Variants in SORCS1 observed in about 807,000 individuals in gnomAD.
SORCS1 encodes the protein sortilin related VPS10 domain containing receptor 1, also known as VPS10 domain-containing receptor SorCS1.
A neutral mutation model predicts 146.1 loss-of-function variants in SORCS1; 60 were observed. That is an observed-to-expected ratio of 0.41 (90% confidence interval 0.33 to 0.51). The LOEUF is 0.51. Among genes scored for constraint, SORCS1 ranks in the 20% least tolerant of loss-of-function variants. The pLI is 0.21. For synonymous variants in SORCS1, 637 were observed against 584.0 expected, an observed-to-expected ratio of 1.09 and a Z score of -1.31; for missense variants, 1,352 against 1,487.6, an observed-to-expected ratio of 0.91 and a Z score of 1.50.
intron 17 of SORCS1, among the ~76,000 whole-genome samples, chr10:106,659,344 T>C (rs147896709): frequency 1.3e-5 from 2 of 152,324 alleles, no homozygotes; most frequent in East Asian, 3.9e-4. Flanking sequence ...ATTTTGAACA[T>C]GAGCTTGATG....
chr10:106,611,417 T>C (rs747589878), intron 22 of SORCS1, among the ~76,000 whole-genome samples: 6 of 152,140 alleles, frequency 3.9e-5, no homozygotes, highest in South Asian at 2.1e-4. Context: ...AATGAGGAAA[T>C]AGAAATATGA....
At chr10:106,717,560 T>C (rs1052456253) in intron 6 of SORCS1, among the ~76,000 whole-genome samples, 1 of 152,230 alleles carries the variant, frequency 6.6e-6, no homozygotes, top group Non-Finnish European at 1.5e-5. Flanking sequence ...GACTAAATAT[T>C]GTATTTTATT....
At chr10:107,165,568 CCTCAGTACGTGG>C (rs1970025343), upstream of SORCS1, among the ~76,000 whole-genome samples, 1 of 152,154 alleles carries the variant, frequency 6.6e-6, no homozygotes, top group African/African-American at 2.4e-5. This position sits in a 1 kb window ranked among gnomAD's most constrained non-coding sequence, Gnocchi z 4.0. Context: ...TTACCATTTT[CCTCAGTACGTGG>C]CACAGTACCC....
intron 4 of SORCS1, among the ~76,000 whole-genome samples, chr10:106,775,687 A>C (rs941731396): frequency 7.2e-5 from 11 of 152,246 alleles, no homozygotes; most frequent in African/African-American, 2.2e-4. Flanking sequence ...TTCACTGCAT[A>C]ATGCATTTCA....
intron 1 of SORCS1, among the ~76,000 whole-genome samples, chr10:107,093,992 C>T (rs879671083): frequency 6.6e-6 from 1 of 152,164 alleles, no homozygotes; most frequent in Non-Finnish European, 1.5e-5. Flanking sequence ...CCCATGCCAC[C>T]TCGAGATTTT....
chr10:106,812,296 A>G (rs1947502239), intron 3 of SORCS1, among the ~76,000 whole-genome samples: 1 of 152,134 alleles, frequency 6.6e-6, no homozygotes, highest in African/African-American at 2.4e-5. Flanking sequence ...CACTGCACCC[A>G]GCCTGGAGTT....
chr10:106,844,345 T>C (rs1204389513), intron 2 of SORCS1, among the ~76,000 whole-genome samples: 4 of 152,102 alleles, frequency 2.6e-5, no homozygotes, highest in African/African-American at 7.2e-5. Flanking sequence ...GCTTTTGGTG[T>C]CTGTGCTTTT....
intron 10 of SORCS1, among the ~76,000 whole-genome samples, chr10:106,686,167 G>C (rs758505426): frequency 1.8e-4 from 27 of 152,176 alleles, no homozygotes; most frequent in Non-Finnish European, 3.2e-4. Context: ...GTAAAAGTGG[G>C]AGGACCAGTT....
intron 24 of SORCS1, among the ~76,000 whole-genome samples, chr10:106,596,688 C>T (rs142044250): frequency 3.3e-4 from 50 of 152,144 alleles, no homozygotes; most frequent in African/African-American, 5.8e-4. Context: ...TATCCTGAAA[C>T]GTAAAGAAAG....
At chr10:107,179,440 G>T in the SORCS1 span, among the ~76,000 whole-genome samples, 1 of 151,984 alleles carries the variant, frequency 6.6e-6, no homozygotes, top group African/African-American at 2.4e-5. Flanking sequence ...TTATATAACT[G>T]CATCATTTCA....
chr10:106,617,818 C>T (rs1847476693), intron 21 of SORCS1, among the ~76,000 whole-genome samples: 2 of 152,142 alleles, frequency 1.3e-5, no homozygotes, highest in Admixed American at 1.3e-4. Flanking sequence ...TCAACATTAG[C>T]TATTTTATTT....
chr10:106,841,404 A>G (rs1589524460), intron 2 of SORCS1, among the ~76,000 whole-genome samples: 1 of 152,130 alleles, frequency 6.6e-6, no homozygotes, highest in Non-Finnish European at 1.5e-5. Flanking sequence ...CAGGAGGTGG[A>G]GGTTGAAATG....
At chr10:106,758,058 T>C (rs906617718) in intron 5 of SORCS1, among the ~76,000 whole-genome samples, 3 of 152,164 alleles carry the variant, frequency 2.0e-5, no homozygotes, top group Admixed American at 6.5e-5. Context: ...AGAAGGAGGT[T>C]TTATTTATTT....
At chr10:106,749,036 T>G (rs1857954520) in intron 5 of SORCS1, among the ~76,000 whole-genome samples, 1 of 152,186 alleles carries the variant, frequency 6.6e-6, no homozygotes, top group Non-Finnish European at 1.5e-5. Flanking sequence ...ATAATTTTGC[T>G]TTTGCTTTTA....
At chr10:106,662,688 G>T (rs1850826029) in intron 17 of SORCS1, among the ~76,000 whole-genome samples, 1 of 152,160 alleles carries the variant, frequency 6.6e-6, no homozygotes, top group South Asian at 2.1e-4. Flanking sequence ...ATCTGGGCTT[G>T]TCCTTGAGAA....
chr10:107,125,069 C>A (rs911276053), intron 1 of SORCS1, among the ~76,000 whole-genome samples: 2 of 151,080 alleles, frequency 1.3e-5, no homozygotes, highest in Non-Finnish European at 2.9e-5. Flanking sequence ...TCCCCTGCCT[C>A]CGCCTCCCAA....
intron 2 of SORCS1, among the ~76,000 whole-genome samples, chr10:106,863,636 C>T (rs1950110224): frequency 6.7e-6 from 1 of 148,456 alleles, no homozygotes. Flanking sequence ...ATCTCTATTC[C>T]TCCAGTCTGC....
chr10:107,084,008 C>T (rs1963551174), intron 1 of SORCS1, among the ~76,000 whole-genome samples: 1 of 151,930 alleles, frequency 6.6e-6, no homozygotes, highest in Non-Finnish European at 1.5e-5. Context: ...CAACTGTATT[C>T]ACCTAAAACT....
chr10:107,132,290 T>TTAC lies in SORCS1; in HGVS notation c.558+31678_558+31679insGTA, dbSNP rs533194902. Among the ~76,000 whole-genome samples, 21 of 152,088 alleles carry TTAC rather than the reference T, an allele frequency of 1.4e-4. No individual in the cohort carries two copies. The East Asian group carries it at 4.1e-3, about 30-fold the overall frequency. On this transcript the variant is annotated intron_variant, in intron 1 of 25. Coordinates refer to ENST00000263054, the MANE Select transcript of SORCS1 (RefSeq NM_052918.5). The stretch of plus-strand genomic sequence containing the variant: ...GCTATGAATAGACAATTTCACATTT[T>TTAC]TCCTATCCAAACCCACCTATTCTTA...
Sources: gnomAD v4.1 joint callset for allele counts (sites outside exome capture counted in the v4.1 genomes callset) on GRCh38, gnomAD v4.1.1 for gene constraint, Gnocchi (gnomAD v3.1) non-coding constraint, MANE v1.5 for transcripts, NCBI Gene and HGNC (gene_info 2026-07-23, HGNC 2026-07-21) for gene names.